CLPB: variants seen among roughly 807,000 people sequenced by gnomAD.
The protein encoded by CLPB is ClpB family mitochondrial disaggregase.
Under a neutral mutation model 78.4 loss-of-function variants are expected in CLPB, and 40 were observed. The observed-to-expected ratio is 0.51, with a 90% confidence interval of 0.40 to 0.66. The LOEUF (loss-of-function observed/expected upper bound fraction) is 0.66, where lower values mean the gene tolerates loss of function less well. Among genes scored for constraint, CLPB ranks in the 30% least tolerant of loss-of-function variants. The pLI is 0.00. For synonymous variants in CLPB, 333 were observed against 348.0 expected, an observed-to-expected ratio of 0.96 and a Z score of 0.48; for missense variants, 780 against 886.9, an observed-to-expected ratio of 0.88 and a Z score of 1.53.
intron 5 of CLPB, among the ~76,000 whole-genome samples, chr11:72,354,102 A>G (rs1006949436): frequency 1.3e-5 from 2 of 152,120 alleles, no homozygotes; most frequent in African/African-American, 4.8e-5. Context: ...CAGAACAGTC[A>G]GTAATTTGCC....
intron 2 of CLPB, among the ~76,000 whole-genome samples, chr11:72,404,846 G>C (rs1855659804): frequency 6.6e-6 from 1 of 152,178 alleles, no homozygotes; most frequent in Non-Finnish European, 1.5e-5. Flanking sequence ...CCTCTAGTTT[G>C]GAGGATTTAC....
At chr11:72,409,208 C>T (rs928480661) in intron 2 of CLPB, among the ~76,000 whole-genome samples, 1 of 152,150 alleles carries the variant, frequency 6.6e-6, no homozygotes, top group African/African-American at 2.4e-5. Context: ...TGAACTAGGT[C>T]TCCTGCTTGG....
chr11:72,292,365 G>A lies in CLPB; in HGVS notation c.*1002C>T, dbSNP rs919428939. The A allele has an allele frequency of 6.6e-6, 1 of 152,254 alleles. No homozygotes were observed. Among genetic ancestry groups the A allele is most frequent in the Non-Finnish European group, 1.5e-5 (1 of 68,092 alleles). The allele number at this position is 152,254 out of a possible 1,614,324, so 9.4% of individuals were successfully genotyped here. A position where few individuals can be genotyped will look rare whatever the true frequency, so the allele number is the denominator to read the frequency against. On this transcript the variant is annotated 3_prime_UTR_variant, in exon 16 of 16. Transcript: ENST00000538039. The stretch of plus-strand genomic sequence containing the variant: ...GGCCTTACTGTGCCTGGCTAAGGTG[G>A]GCTTGAAACATTGGCTGGTCTGTGA...
chr11:72,420,665 C>T (rs1468167899), intron 2 of CLPB, among the ~76,000 whole-genome samples: 2 of 152,170 alleles, frequency 1.3e-5, no homozygotes, highest in Admixed American at 6.5e-5. Flanking sequence ...AGTGCTCTCA[C>T]TTATATAGTA....
chr11:72,293,203 G>T lies in CLPB; in HGVS notation c.*164C>A. The T allele has an allele frequency of 1.2e-6, 1 of 842,660 alleles. No individual in the cohort carries two copies. Among genetic ancestry groups the T allele is most frequent in the Non-Finnish European group, 1.8e-6 (1 of 551,700 alleles). 52.2% of individuals were successfully genotyped at this position (842,660 alleles called of 1,614,324 possible). A position where few individuals can be genotyped will look rare whatever the true frequency, so the allele number is the denominator to read the frequency against. ...AGAGTAGGGCGAAATTCCTCCTTCA[G>T]GTTTTGGGGCTGAGAAGGGGTCTTC... is the stretch of plus-strand genomic sequence containing the variant. On this transcript the variant is annotated 3_prime_UTR_variant, in exon 16 of 16. Transcript: ENST00000538039.
At chr11:72,426,092 G>A (rs1206389240) in intron 2 of CLPB, among the ~76,000 whole-genome samples, 1 of 152,184 alleles carries the variant, frequency 6.6e-6, no homozygotes, top group African/African-American at 2.4e-5. Context: ...GGAGAAAAAG[G>A]GCAGGCAGTC....
intron 2 of CLPB, 113 bp from the exon 3 acceptor site, chr11:72,403,165 A>G (rs1855613640): frequency 1.8e-5 from 18 of 980,864 alleles, no homozygotes; most frequent in Non-Finnish European, 2.9e-5. Flanking sequence ...TCATGGATGT[A>G]AAAGTAGAAA....
intron 2 of CLPB, among the ~76,000 whole-genome samples, chr11:72,416,242 C>T (rs1250758221): frequency 6.6e-6 from 1 of 152,166 alleles, no homozygotes; most frequent in Non-Finnish European, 1.5e-5. Context: ...CTGCAAAGCT[C>T]CTTGTATACA....
intron 1 of CLPB, among the ~76,000 whole-genome samples, chr11:72,431,461 C>T (rs1262937687): frequency 6.6e-6 from 1 of 152,212 alleles, no homozygotes; most frequent in Admixed American, 6.5e-5. Context: ...GCTGTATAAC[C>T]TAGCCCACCT....
intron 2 of CLPB, among the ~76,000 whole-genome samples, chr11:72,413,753 T>A (rs1855944185): frequency 6.6e-6 from 1 of 152,194 alleles, no homozygotes; most frequent in Non-Finnish European, 1.5e-5. Context: ...TTGACATTTT[T>A]TGCAGAGTAA....
intron 3 of CLPB, among the ~76,000 whole-genome samples, chr11:72,399,473 A>G (rs1349325980): frequency 6.6e-6 from 1 of 152,232 alleles, no homozygotes; most frequent in African/African-American, 2.4e-5. Flanking sequence ...AAAATAAATT[A>G]TAAATTAAAT....
chr11:72,346,487 G>T (rs1279981727), intron 5 of CLPB, among the ~76,000 whole-genome samples: 1 of 151,156 alleles, frequency 6.6e-6, no homozygotes, highest in African/African-American at 2.4e-5. Flanking sequence ...AAAATCCGAG[G>T]GCTCCTCAAG....
intron 7 of CLPB, among the ~76,000 whole-genome samples, chr11:72,315,443 G>T (rs1308184235): frequency 6.6e-6 from 1 of 152,200 alleles, no homozygotes; most frequent in Non-Finnish European, 1.5e-5. Context: ...CTTGCAGGTT[G>T]TCCTGGTTTG....
chr11:72,302,583 T>TAAATCTGACTTGGGGTGTCTTCTTTCA, intron 9 of CLPB: 1 of 500,716 alleles, frequency 2.0e-6, no homozygotes, highest in Non-Finnish European at 3.7e-6. Context: ...CCTGACCTTC[T>TAAATCTGACTTGGGGTGTCTTCTTTCA]AAATCTGACT....
chr11:72,293,584 G>T lies in CLPB; in HGVS notation c.1817C>A (p.Ala606Glu). Residue 606 changes from alanine (A) to glutamate (E), a missense_variant, in exon 16 of 16, where the codon GCA becomes GAA. By Grantham distance (107) the Ala-to-Glu change is moderately radical. Coordinates refer to ENST00000538039, the MANE Select transcript of CLPB (RefSeq NM_001258392.3). ...TGGCAGCAGGTCCTGCTCATAGGCTGCTGCCAGCTGGTTCACCACACGGCG... is the reference window on the plus strand; with the variant it reads ...TGGCAGCAGGTCCTGCTCATAGGCTTCTGCCAGCTGGTTCACCACACGGCG... ...VERRVVNQLA[A>E]AYEQDLLPGG... 1 of 1,613,816 alleles carries T rather than the reference G, an allele frequency of 6.2e-7. No homozygotes were observed. The highest frequency in any genetic ancestry group is 1.1e-5 in the South Asian group (1 of 91,062).
chr11:72,345,309 C>T (rs974781050), intron 5 of CLPB, among the ~76,000 whole-genome samples: 1 of 152,150 alleles, frequency 6.6e-6, no homozygotes, highest in East Asian at 1.9e-4. Context: ...ATGGAATATA[C>T]ATACAATGAA....
intron 2 of CLPB, among the ~76,000 whole-genome samples, chr11:72,424,912 A>C (rs1401233727): frequency 2.0e-5 from 3 of 151,802 alleles, no homozygotes; most frequent in Non-Finnish European, 4.4e-5. Flanking sequence ...AACAAAAAAA[A>C]ACACAAAAAA....
intron 4 of CLPB, among the ~76,000 whole-genome samples, chr11:72,378,781 G>A (rs896134992): frequency 3.9e-5 from 6 of 152,112 alleles, no homozygotes; most frequent in South Asian, 4.1e-4. Flanking sequence ...CAATTCCTCC[G>A]GCTCAGTGGG....
At position 72,413,837 on chromosome 11, in the gene CLPB, G is replaced by A. The variant is rs147544561; in HGVS notation, c.456-10785C>T. Among the ~76,000 whole-genome samples the A allele has an allele frequency of 3.9e-3, 597 of 152,224 alleles. 4 individuals carry two copies. The highest frequency in any genetic ancestry group is 0.014 in the African/African-American group (567 of 41,520). ...GGTACTACTTATTATGCATCCATTC[G>A]TTCCATAAACTCTTCCTGAGGACTG... On this transcript the variant is annotated intron_variant, in intron 2 of 15. Coordinates refer to ENST00000538039, the MANE Select transcript of CLPB (RefSeq NM_001258392.3).
Sources: allele counts gnomAD v4.1 joint callset (sites outside exome capture counted in the v4.1 genomes callset), GRCh38; gene constraint gnomAD v4.1.1; transcripts MANE v1.5; gene names NCBI Gene and HGNC (gene_info 2026-07-23, HGNC 2026-07-21).